Variants in GARNL3 observed in about 807,000 individuals in gnomAD.
GARNL3 encodes the protein GTPase activating Rap/RanGAP domain like 3.
A neutral mutation model predicts 125.0 loss-of-function variants in GARNL3; 63 were observed. The ratio of observed to expected loss-of-function variants is 0.50; its 90% CI spans 0.41 to 0.62. The LOEUF is 0.62. Among genes scored for constraint, GARNL3 ranks in the 20% least tolerant of loss-of-function variants. The pLI is 0.00. For missense variants in GARNL3, 994 were observed against 1,244.0 expected, an observed-to-expected ratio of 0.80 and a Z score of 3.02; for synonymous variants, 439 against 457.5, an observed-to-expected ratio of 0.96 and a Z score of 0.52.
intron 11 of GARNL3, among the ~76,000 whole-genome samples, chr9:127,337,860 T>A (rs1829639023): frequency 6.6e-6 from 1 of 152,260 alleles, no homozygotes; most frequent in Non-Finnish European, 1.5e-5. Flanking sequence ...ATTGCTTTTC[T>A]GACAGCTTTG....
chr9:127,236,627 A>G (rs766003084), intron 1 of GARNL3, among the ~76,000 whole-genome samples: 13 of 152,134 alleles, frequency 8.5e-5, no homozygotes, highest in Non-Finnish European at 1.6e-4. Context: ...AGGTCTCACT[A>G]TGTTGCCCTT....
At chr9:127,281,176 G>C (rs1480957481) in intron 1 of GARNL3, among the ~76,000 whole-genome samples, 4 of 152,140 alleles carry the variant, frequency 2.6e-5, no homozygotes, top group Admixed American at 1.3e-4. Flanking sequence ...AAAAGAGCCC[G>C]AGTGGGTTAT....
chr9:127,279,569 T>C (rs1425287228), intron 1 of GARNL3, among the ~76,000 whole-genome samples: 1 of 152,220 alleles, frequency 6.6e-6, no homozygotes. Flanking sequence ...TTTCATCCTT[T>C]TTTATCTCAC....
At chr9:127,339,993 C>A (rs1363017003) in intron 13 of GARNL3, among the ~76,000 whole-genome samples, 1 of 152,124 alleles carries the variant, frequency 6.6e-6, no homozygotes, top group African/African-American at 2.4e-5. Flanking sequence ...CACTAAGGAC[C>A]CTCGGGCCTC....
chr9:127,253,299 G>C (rs1280835319), intron 2 of GARNL3, among the ~76,000 whole-genome samples: 1 of 152,138 alleles, frequency 6.6e-6, no homozygotes, highest in African/African-American at 2.4e-5. Context: ...GGGCATGATG[G>C]CTCTCCTCAG....
chr9:127,228,798 C>T (rs963499745), intron 1 of GARNL3, among the ~76,000 whole-genome samples: 2 of 152,042 alleles, frequency 1.3e-5, no homozygotes, highest in Non-Finnish European at 2.9e-5. Flanking sequence ...TTAGTCAGAT[C>T]TTCCTCCTGT....
intron 6 of GARNL3, among the ~76,000 whole-genome samples, chr9:127,321,906 C>G (rs1426799055): frequency 6.6e-6 from 1 of 152,190 alleles, no homozygotes; most frequent in African/African-American, 2.4e-5. Context: ...CATGAACAAT[C>G]TTTGCTTGTA....
intron 1 of GARNL3, among the ~76,000 whole-genome samples, chr9:127,272,273 G>T (rs150227339): frequency 6.7e-6 from 1 of 149,714 alleles, no homozygotes; most frequent in African/African-American, 2.6e-5. Flanking sequence ...TCTACTCAGG[G>T]TTAAGTAGGG....
At position 127,389,136 on chromosome 9, in the gene GARNL3, C is replaced by T; in HGVS notation, c.2743+17C>T. 1 of 1,555,478 alleles carries T rather than the reference C, an allele frequency of 6.4e-7. No individual in the cohort carries two copies. Among genetic ancestry groups the T allele is most frequent in the Non-Finnish European group, 8.9e-7 (1 of 1,127,156 alleles). On this transcript the variant is annotated intron_variant, in intron 26 of 27. Transcript: ENST00000373387. ...AACTACTGGGTAATGGTTCTCAATC[C>T]TGGTTTCCACTGTCTGTGAACAGAC...
intron 25 of GARNL3, among the ~76,000 whole-genome samples, chr9:127,387,786 A>G (rs1431053288): frequency 6.6e-6 from 1 of 151,614 alleles, no homozygotes; most frequent in East Asian, 1.9e-4. Flanking sequence ...GTCTGAATAC[A>G]TGGTTGTGTT....
chr9:127,281,505 C>A (rs2064104163), intron 1 of GARNL3, among the ~76,000 whole-genome samples: 1 of 152,180 alleles, frequency 6.6e-6, no homozygotes, highest in Admixed American at 6.5e-5. Context: ...ATGGTGCTCT[C>A]AGCACCCAGC....
intron 7 of GARNL3, among the ~76,000 whole-genome samples, chr9:127,329,303 G>C (rs1159990119): frequency 6.6e-6 from 1 of 152,128 alleles, no homozygotes; most frequent in Non-Finnish European, 1.5e-5. Flanking sequence ...GACCCTTTGA[G>C]AGTAATTACT....
At chr9:127,387,444 C>A in intron 25 of GARNL3, 113 bp downstream of exon 25, 1 of 1,117,012 alleles carries the variant, frequency 9.0e-7, no homozygotes, top group Non-Finnish European at 1.2e-6. Flanking sequence ...TATTTAAAGC[C>A]ATTAAAAAAA....
At position 127,250,697 on chromosome 9, in the gene GARNL3, G is replaced by T. The variant is rs567685447; in HGVS notation, c.143+7448G>T. Among the ~76,000 whole-genome samples the T allele has an allele frequency of 2.6e-5, 4 of 152,300 alleles. No individual in the cohort carries two copies. The South Asian group carries it at 8.3e-4, about 32-fold the overall frequency. ...CAGGCACAGTCGAGATTTTCAGGGA[G>T]GGAGGTGGACTGAATTGAAGGGAGA... On this transcript the variant is annotated intron_variant, in intron 2 of 10. Transcript: ENST00000439286.
chr9:127,225,345 C>T, intron 1 of GARNL3: 1 of 984,612 alleles, frequency 1.0e-6, no homozygotes, highest in Non-Finnish European at 1.2e-6. Context: ...GGCCGCTGCG[C>T]TCCTGCGGCA....
chr9:127,378,327 C>A (rs1452075297), intron 22 of GARNL3, among the ~76,000 whole-genome samples: 1 of 151,926 alleles, frequency 6.6e-6, no homozygotes, highest in Admixed American at 6.5e-5. Flanking sequence ...CATGGTCACG[C>A]CTGTAATCCC....
intron 1 of GARNL3, among the ~76,000 whole-genome samples, chr9:127,286,858 G>T (rs1419425257): frequency 6.6e-6 from 1 of 152,112 alleles, no homozygotes; most frequent in Admixed American, 6.5e-5. Flanking sequence ...TGTATTAGTT[G>T]GCTTAGAACG....
In GARNL3 at chr9:127,311,675, G is replaced by A. The variant is rs2065102161; in HGVS notation, c.259G>A (p.Val87Met). 5.6e-6 allele frequency: 9 copies of A among 1,613,982 alleles called. No individual in the cohort carries two copies. Among genetic ancestry groups the A allele is most frequent in the South Asian group, 1.1e-5 (1 of 91,084 alleles). The change falls in exon 3 of 28, where the codon GTG becomes ATG. Residue 87 changes from valine (V) to methionine (M), a missense_variant. Physicochemically the swap from Val to Met is conservative, Grantham distance 21 (BLOSUM62 1). Around this residue, in one of 5 missense-constraint regions of GARNL3, gnomAD observed 139 missense variants for 231.6 expected, o/e 0.60. Coordinates refer to ENST00000373387, the MANE Select transcript of GARNL3 (RefSeq NM_032293.5). ...GCCTGGTACTTGGCGAAGAACAGAC[G>A]TGCACTTAGAGAACCCAGAATACCA... ...ALPGTWRRTD[V>M]HLENPEYHTR...
At chr9:127,374,883 G>A (rs1197743364) in intron 22 of GARNL3, among the ~76,000 whole-genome samples, 2 of 149,194 alleles carry the variant, frequency 1.3e-5, no homozygotes, top group Non-Finnish European at 3.0e-5. Context: ...GATTAGCCTG[G>A]GCAGTATCAT....
Sources: allele counts gnomAD v4.1 joint callset (sites outside exome capture counted in the v4.1 genomes callset), GRCh38; gene constraint gnomAD v4.1.1; regional missense constraint gnomAD v4.1.1; transcripts MANE v1.5; gene names NCBI Gene and HGNC (gene_info 2026-07-23, HGNC 2026-07-21).